AGBL4: variants seen among roughly 807,000 people sequenced by gnomAD.
The protein encoded by AGBL4 is cytosolic carboxypeptidase 6.
A neutral mutation model predicts 66.4 loss-of-function variants in AGBL4; 58 were observed. That is an observed-to-expected ratio of 0.87 (90% CI 0.71 to 1.09). AGBL4 has a LOEUF of 1.09. Among genes scored for constraint, AGBL4 ranks in the 50% least tolerant of loss-of-function variants. AGBL4 has a pLI of 0.00. For synonymous variants in AGBL4, 234 were observed against 222.9 expected, an observed-to-expected ratio of 1.05 and a Z score of -0.44; for missense variants, 579 against 631.0, an observed-to-expected ratio of 0.92 and a Z score of 0.88.
chr1:48,936,181 T>C (rs1252114779), intron 5 of AGBL4, among the ~76,000 whole-genome samples: 1 of 151,492 alleles, frequency 6.6e-6, no homozygotes, highest in South Asian at 2.1e-4. Context: ...TCCCAGCTAC[T>C]TGGGAGGCGG....
chr1:49,662,411 A>G (rs1042808791), intron 3 of AGBL4, among the ~76,000 whole-genome samples: 5 of 152,126 alleles, frequency 3.3e-5, no homozygotes, highest in Non-Finnish European at 7.4e-5. Flanking sequence ...AAGAAGGCGA[A>G]GGGAAACATC....
intron 3 of AGBL4, among the ~76,000 whole-genome samples, chr1:49,580,924 A>C (rs1644530353): frequency 6.6e-6 from 1 of 152,052 alleles, no homozygotes; most frequent in African/African-American, 2.4e-5. Context: ...TAGACTTGAA[A>C]ATTTTCATCT....
At chr1:49,517,073 C>G (rs1260936916) in intron 3 of AGBL4, among the ~76,000 whole-genome samples, 3 of 151,904 alleles carry the variant, frequency 2.0e-5, no homozygotes, top group Admixed American at 6.6e-5. Context: ...GAAGGTGACC[C>G]AGGCTGGGTG....
chr1:48,996,898 T>C (rs1034761735), intron 5 of AGBL4, among the ~76,000 whole-genome samples: 2 of 150,466 alleles, frequency 1.3e-5, no homozygotes, highest in African/African-American at 4.9e-5. Context: ...TATTGCTAAT[T>C]TGTTTGCATA....
At chr1:49,718,675 G>A (rs1648351627) in intron 2 of AGBL4, among the ~76,000 whole-genome samples, 1 of 151,966 alleles carries the variant, frequency 6.6e-6, no homozygotes, top group South Asian at 2.1e-4. Flanking sequence ...TCATTTAAAT[G>A]TTGGCTTATT....
chr1:48,598,919 T>C (rs2148360485), intron 9 of AGBL4, among the ~76,000 whole-genome samples: 1 of 152,348 alleles, frequency 6.6e-6, no homozygotes, highest in African/African-American at 2.4e-5. Context: ...AAACACATTA[T>C]ACAGCTGCAC....
intron 3 of AGBL4, among the ~76,000 whole-genome samples, chr1:49,559,329 T>A (rs199815980): frequency 6.6e-6 from 1 of 152,152 alleles, no homozygotes; most frequent in African/African-American, 2.4e-5. Context: ...ATCAAGGCAG[T>A]ACCCTCTATG....
chr1:49,860,245 G>GA (rs576551495), intron 1 of AGBL4, among the ~76,000 whole-genome samples: 13 of 151,714 alleles, frequency 8.6e-5, no homozygotes, highest in African/African-American at 2.4e-4. Flanking sequence ...AGCAATTTTG[G>GA]AAAAAAAACA....
intron 5 of AGBL4, among the ~76,000 whole-genome samples, chr1:48,981,494 G>A (rs1376946899): frequency 1.3e-5 from 2 of 152,120 alleles, no homozygotes; most frequent in Non-Finnish European, 2.9e-5. Context: ...TCAATAGTGA[G>A]TGCCATAGCT....
At chr1:49,497,982 C>A (rs1469600545) in intron 3 of AGBL4, among the ~76,000 whole-genome samples, 1 of 151,948 alleles carries the variant, frequency 6.6e-6, no homozygotes, top group African/African-American at 2.4e-5. Flanking sequence ...ACATTTTTAA[C>A]AATATTCCAA....
intron 2 of AGBL4, among the ~76,000 whole-genome samples, chr1:49,719,833 C>T (rs1407386689): frequency 2.0e-5 from 3 of 151,994 alleles, no homozygotes; most frequent in African/African-American, 4.8e-5. Context: ...TGAGATCTGA[C>T]GGTTTCATAA....
intron 11 of AGBL4, among the ~76,000 whole-genome samples, chr1:48,564,139 C>T (rs1271210965): frequency 6.6e-6 from 1 of 152,120 alleles, no homozygotes; most frequent in Non-Finnish European, 1.5e-5. Context: ...TGCACAGCCT[C>T]TGCCCCTGTT....
At chr1:48,757,515 T>C (rs1421384295) in intron 6 of AGBL4, among the ~76,000 whole-genome samples, 2 of 152,076 alleles carry the variant, frequency 1.3e-5, no homozygotes, top group African/African-American at 4.8e-5. Context: ...ATGAATTGAG[T>C]GACTAGAGTT....
intron 3 of AGBL4, among the ~76,000 whole-genome samples, chr1:49,347,251 TC>T (rs1297739210): frequency 4.6e-5 from 6 of 130,662 alleles, no homozygotes; most frequent in Non-Finnish European, 6.4e-5. Flanking sequence ...TTTCTTTCTT[TC>T]TTTTTTTTTT....
At chr1:49,024,203 A>G (rs1663465193) in intron 5 of AGBL4, among the ~76,000 whole-genome samples, 2 of 152,198 alleles carry the variant, frequency 1.3e-5, no homozygotes, top group East Asian at 1.9e-4. Flanking sequence ...CAAGATATAT[A>G]TTTAATGGAT....
chr1:49,987,189 A>G (rs897451840), intron 1 of AGBL4, among the ~76,000 whole-genome samples: 2 of 152,114 alleles, frequency 1.3e-5, no homozygotes, highest in African/African-American at 2.4e-5. Flanking sequence ...ATGCCAAATC[A>G]TTAGAGTAAT....
intron 1 of AGBL4, among the ~76,000 whole-genome samples, chr1:49,903,336 C>A (rs1649957881): frequency 1.3e-5 from 2 of 152,070 alleles, no homozygotes; most frequent in Non-Finnish European, 2.9e-5. Context: ...GAACAATAGA[C>A]ACCAGAGCCC....
At position 49,366,069 on chromosome 1, in the gene AGBL4, C is replaced by T. The variant is rs143371175; in HGVS notation, c.283-120205G>A. ...TGCTTAAGACTCTCCTACATCCCTA[C>T]TTCCTTCTCCAGCAGCAATGATAAT... On this transcript the variant is annotated intron_variant, in intron 3 of 13. Transcript: ENST00000371839. Among the ~76,000 whole-genome samples, 1,061 of 152,274 alleles carry T rather than the reference C, an allele frequency of 7.0e-3. 9 individuals carry two copies. The highest frequency in any genetic ancestry group is 0.029 in the South Asian group (139 of 4,828).
Position 49,284,348 on chromosome 1 carries a change from T to G in AGBL4, c.283-38484A>C, listed in dbSNP as rs372994596. The stretch of plus-strand genomic sequence containing the variant: ...GAGAGATTTTGTCACCACCAGGCCT[T>G]CCCTAAAAGAGCTCCTGAAGGAAGC... On this transcript the variant is annotated intron_variant, in intron 3 of 13. Coordinates refer to ENST00000371839, the MANE Select transcript of AGBL4 (RefSeq NM_032785.4). Among the ~76,000 whole-genome samples the G allele has an allele frequency of 4.0e-4, 60 of 151,874 alleles. 1 individual carries two copies. The highest frequency in any genetic ancestry group is 7.2e-4 in the Admixed American group (11 of 15,264).
Sources: gnomAD v4.1 joint callset for allele counts (sites outside exome capture counted in the v4.1 genomes callset) on GRCh38, gnomAD v4.1.1 for gene constraint, MANE v1.5 for transcripts, NCBI Gene and HGNC (gene_info 2026-07-23, HGNC 2026-07-21) for gene names.